ZNF91: variants seen among roughly 807,000 people sequenced by gnomAD.
ZNF91 encodes zinc finger protein 91 (HPF7, HTF10).
In ZNF91, 7 loss-of-function variants were observed where a neutral mutation model predicts 12.6. That is an observed-to-expected ratio of 0.55 (90% CI 0.31 to 1.04). ZNF91 has a LOEUF of 1.04. ZNF91 is among the 50% of genes least tolerant of loss of function. ZNF91 has a pLI of 0.05. For synonymous variants in ZNF91, 453 were observed against 462.6 expected (o/e 0.98, Z 0.27); for missense variants, 1,217 against 1,385.4 (o/e 0.88, Z 1.93).
chr19:23,315,455 GGATAAT>G (rs1327950719), upstream of ZNF91, among the ~76,000 whole-genome samples: 1 of 152,044 alleles, frequency 6.6e-6, no homozygotes, highest in Non-Finnish European at 1.5e-5. Flanking sequence ...CCCACAGAAG[GGATAAT>G]GAATTACCAC....
downstream of ZNF91, among the ~76,000 whole-genome samples, chr19:23,356,365 TACACACACATGC>T (rs1968487104): frequency 6.6e-6 from 1 of 152,204 alleles, no homozygotes; most frequent in East Asian, 1.9e-4. Flanking sequence ...AATGTATATA[TACACACACATGC>T]ACACACACAT....
chr19:23,362,077 T>C lies in ZNF91; in HGVS notation c.902A>G (p.Lys301Arg), dbSNP rs1968811207. 6.2e-7 allele frequency: 1 copy of C among 1,614,072 alleles called. No individual in the cohort carries two copies. Residue 301 changes from lysine (K) to arginine (R), a missense_variant, in exon 4 of 4, where the codon AAA (lysine) becomes AGA (arginine). By Grantham distance (26) the Lys-to-Arg change is conservative. This residue lies in a region of ZNF91 where 726 missense variants were observed against 895.5 expected (regional missense o/e 0.81). Transcript: ENST00000300619. ...AAGGGTTGAAGAATGGCTAAAAGCT[T>C]TGCCACATTCTTCACATTTGTAGGG... Reference protein sequence around the residue: ...EKPYKCEECGKAFSHSSTLAK... With the variant: ...EKPYKCEECGRAFSHSSTLAK...
chr19:23,377,842 A>G lies in ZNF91; in HGVS notation c.31-3078T>C, dbSNP rs962083770. Among the ~76,000 whole-genome samples, 7 of 152,036 alleles carry G rather than the reference A, an allele frequency of 4.6e-5. No individual in the cohort carries two copies. The East Asian group carries it at 1.2e-3, about 25-fold the overall frequency. ...CAACAGGATGTTACAGAGCACTGTG[A>G]TAATTCATTATTTGATTTAATTCTA... On this transcript the variant is annotated intron_variant, in intron 1 of 3. Transcript: ENST00000300619.
chr19:23,305,229 A>G (rs1409932287), intron 3 of ZNF91: 1 of 152,222 alleles, frequency 6.6e-6, no homozygotes, highest in East Asian at 1.9e-4. Context: ...AACACATACA[A>G]TATATAAATA....
Position 23,362,700 on chromosome 19 carries a change from G to A in ZNF91, c.279C>T (p.Asp93=). The change falls in exon 4 of 4, where the codon GAC becomes GAT. Residue 93 remains aspartate, a synonymous_variant. Transcript: ENST00000300619. ...CTTCCATGCTCTGCTCTGGCCAAAA[G>A]TCTTGAGGAAAATGAGGACATATAC... is the stretch of plus-strand genomic sequence containing the variant. ...PTGICPHFPQ[D]FWPEQSMEDS... is the part of the protein sequence containing the mutation. The A allele has an allele frequency of 4.1e-6, 6 of 1,473,400 alleles. No individual in the cohort carries two copies. The highest frequency in any genetic ancestry group is 5.4e-6 in the Non-Finnish European group (6 of 1,113,136). The allele number at this position is 1,473,400 out of a possible 1,614,324, so 91.3% of individuals were successfully genotyped here.
In ZNF91 at chr19:23,388,177, C is replaced by T. The variant is rs1394857502; in HGVS notation, c.30+7148G>A. ...AGGAGAATTGCTGGAACCCGAGAGG[C>T]GGAGGTTGCAGTGAGCCAAGATTAT... On this transcript the variant is annotated intron_variant, in intron 1 of 3. Coordinates refer to ENST00000300619, the MANE Select transcript of ZNF91 (RefSeq NM_003430.4). 6.6e-5 allele frequency among the ~76,000 whole-genome samples: 10 copies of T among 151,960 alleles called. No homozygotes were observed. The South Asian group carries it at 1.5e-3, about 22-fold the overall frequency.
chr19:23,367,452 T>TA (rs762801927), intron 3 of ZNF91, among the ~76,000 whole-genome samples: 45 of 152,166 alleles, frequency 3.0e-4, no homozygotes, highest in Admixed American at 8.5e-4. Context: ...TGCACAGGAA[T>TA]AAAAAAATTA....
chr19:23,361,035 A>G lies in ZNF91; in HGVS notation c.1944T>C (p.His648=), dbSNP rs1968724267. 1 of 1,603,424 alleles carries G rather than the reference A, an allele frequency of 6.2e-7. No homozygotes were observed. Among genetic ancestry groups the G allele is most frequent in the South Asian group, 1.1e-5 (1 of 90,406 alleles). The change falls in exon 4 of 4, where the codon CAT becomes CAC. Residue 648 remains histidine, a synonymous_variant. Transcript: ENST00000300619. The part of the protein sequence containing the change: ...AFSHSSALAK[H]KRIHTGEKPY... ...GTTTCTCTCCAGTATGAATTCTCTT[A>G]TGTTTAGCAAGGGCTGAAGAATGGC...
Position 23,359,119 on chromosome 19 carries a change from A to T in ZNF91, c.*284T>A. On this transcript the variant is annotated 3_prime_UTR_variant, in exon 4 of 4. Transcript: ENST00000300619. ...TTTGCCACATTCTTCACATTTGTAGAGTTTTACTCCAGTATGAATTACCTT... is the reference window on the plus strand; with the variant it reads ...TTTGCCACATTCTTCACATTTGTAGTGTTTTACTCCAGTATGAATTACCTT... 1 of 537,548 alleles carries T rather than the reference A, an allele frequency of 1.9e-6. No individual in the cohort carries two copies. Among genetic ancestry groups the T allele is most frequent in the Non-Finnish European group, 3.6e-6 (1 of 280,506 alleles). The allele number at this position is 537,548 out of a possible 1,614,324, so 33.3% of individuals were successfully genotyped here.
At chr19:23,385,595 A>G (rs1465203543) in intron 1 of ZNF91, among the ~76,000 whole-genome samples, 2 of 152,252 alleles carry the variant, frequency 1.3e-5, no homozygotes, top group Non-Finnish European at 2.9e-5. Flanking sequence ...TAGCTTGGCC[A>G]GGATTGGCAC....
intron 3 of ZNF91, among the ~76,000 whole-genome samples, chr19:23,363,752 A>C (rs1968898839): frequency 1.3e-5 from 2 of 152,222 alleles, no homozygotes; most frequent in African/African-American, 2.4e-5. Context: ...GTAATGAATA[A>C]TACTCACTGA....
In ZNF91 at chr19:23,360,401, C is replaced by G. The variant is rs768194895; in HGVS notation, c.2578G>C (p.Gly860Arg). 1.2e-5 allele frequency: 19 copies of G among 1,614,064 alleles called. No homozygotes were observed. The South Asian group carries it at 1.9e-4, about 16-fold the overall frequency. ...TTTGAAGATTGATTAAAAGCTTTGC[C>G]ACATTCCTCACATTTGTAGAGTTTC... ...GEKLYKCEEC[G>R]KAFNQSSNLT... The change falls in exon 4 of 4, where the codon GGC (glycine) becomes CGC (arginine). Residue 860 changes from glycine to arginine, a missense_variant. Coordinates refer to ENST00000300619, the MANE Select transcript of ZNF91 (RefSeq NM_003430.4).
upstream of ZNF91, among the ~76,000 whole-genome samples, chr19:23,315,377 A>G (rs1967539414): frequency 6.6e-6 from 1 of 152,138 alleles, no homozygotes; most frequent in Non-Finnish European, 1.5e-5. Context: ...TGCCCATAGA[A>G]GAGATAGTGA....
chr19:23,364,737 AGC>A (rs1568388704), intron 3 of ZNF91, among the ~76,000 whole-genome samples: 1 of 152,204 alleles, frequency 6.6e-6, no homozygotes, highest in East Asian at 1.9e-4. Flanking sequence ...ATGACTACTC[AGC>A]TACACAGGAT....
intron 1 of ZNF91, among the ~76,000 whole-genome samples, chr19:23,390,929 C>G (rs993518377): frequency 1.3e-5 from 2 of 152,166 alleles, no homozygotes; most frequent in South Asian, 4.1e-4. Flanking sequence ...CAAGTTGATT[C>G]CATGTCTTTG....
intron 1 of ZNF91, among the ~76,000 whole-genome samples, chr19:23,393,104 AT>A (rs1163035042): frequency 1.3e-5 from 2 of 150,758 alleles, no homozygotes; most frequent in Non-Finnish European, 3.0e-5. Flanking sequence ...TTTTCTAGAA[AT>A]TTTTTTACTA....
chr19:23,345,379 A>G (rs536955792), intron 3 of ZNF91, among the ~76,000 whole-genome samples: 1 of 152,358 alleles, frequency 6.6e-6, no homozygotes, highest in South Asian at 2.1e-4. Flanking sequence ...TCTGGCCACA[A>G]TACGAATTGG....
chr19:23,318,648 T>C (rs557623606), intron 1 of ZNF91, among the ~76,000 whole-genome samples: 16 of 146,434 alleles, frequency 1.1e-4, no homozygotes, highest in Admixed American at 8.7e-4. Flanking sequence ...ACTTGGTCTT[T>C]GCCATTAGAA....
At chr19:23,388,912 A>G (rs1002535374) in intron 1 of ZNF91, among the ~76,000 whole-genome samples, 1 of 152,172 alleles carries the variant, frequency 6.6e-6, no homozygotes, top group Non-Finnish European at 1.5e-5. Context: ...CGTAAATGGA[A>G]AACCAAATGC....
Sources: gnomAD v4.1 joint callset for allele counts (sites outside exome capture counted in the v4.1 genomes callset) on GRCh38, gnomAD v4.1.1 for gene constraint, gnomAD v4.1.1 regional missense constraint, MANE v1.5 for transcripts, NCBI Gene and HGNC (gene_info 2026-07-23, HGNC 2026-07-21) for gene names.